The following ITPR1 variants were observed in gnomAD, a reference collection of about 807,000 sequenced individuals.
ITPR1 encodes inositol 1,4,5-trisphosphate-gated calcium channel ITPR1.
Under a neutral mutation model 318.4 loss-of-function variants are expected in ITPR1, and 96 were observed. The observed-to-expected ratio is 0.30, with a 90% CI of 0.26 to 0.36. The LOEUF is 0.36. Among genes scored for constraint, ITPR1 ranks in the 10% least tolerant of loss-of-function variants. The pLI is 1.00. For synonymous variants in ITPR1, 1,312 were observed against 1,289.9 expected, an observed-to-expected ratio of 1.02 and a Z score of -0.37; for missense variants, 2,440 against 3,460.2, an observed-to-expected ratio of 0.71 and a Z score of 7.40.
intron 54 of ITPR1, among the ~76,000 whole-genome samples, chr3:4,805,653 T>A (rs1003234021): frequency 1.2e-4 from 19 of 152,218 alleles, no homozygotes; most frequent in African/African-American, 4.6e-4. Context: ...AACTGATCAC[T>A]GCTCATTAAA....
chr3:4,545,452 G>A (rs557340459), intron 4 of ITPR1, among the ~76,000 whole-genome samples: 188 of 151,968 alleles, frequency 1.2e-3, no homozygotes, highest in Admixed American at 4.8e-3. Flanking sequence ...GTGAGACTCC[G>A]TCTCTACAGA....
chr3:4,789,144 G>C (rs144780662), intron 52 of ITPR1, among the ~76,000 whole-genome samples: 2 of 152,222 alleles, frequency 1.3e-5, no homozygotes, highest in East Asian at 3.9e-4. Context: ...ACTCTTGCTC[G>C]TCTCTAAGGG....
At chr3:4,547,988 A>G (rs2085192250) in intron 4 of ITPR1, among the ~76,000 whole-genome samples, 1 of 152,218 alleles carries the variant, frequency 6.6e-6, no homozygotes. Flanking sequence ...GCCTGTGAGT[A>G]AGCCATTCTA....
At chr3:4,536,165 C>T (rs917315608) in intron 4 of ITPR1, among the ~76,000 whole-genome samples, 5 of 152,142 alleles carry the variant, frequency 3.3e-5, no homozygotes, top group Non-Finnish European at 7.4e-5. Flanking sequence ...AACTGGAGTT[C>T]AGTCGTTTGC....
At chr3:4,753,583 G>A (rs1042132131) in intron 44 of ITPR1, among the ~76,000 whole-genome samples, 1 of 152,142 alleles carries the variant, frequency 6.6e-6, no homozygotes. Context: ...ACCAGACTCG[G>A]CTGTACCCGA....
At chr3:4,661,118 G>C (rs754149031) in intron 14 of ITPR1, 31 bp downstream of exon 14, 1 of 1,302,316 alleles carries the variant, frequency 7.7e-7, no homozygotes, top group Non-Finnish European at 1.1e-6. Context: ...GTCTCCTTTT[G>C]GTCTCGTGTT....
chr3:4,655,328 T>C (rs1476804327), intron 12 of ITPR1, among the ~76,000 whole-genome samples: 3 of 152,122 alleles, frequency 2.0e-5, no homozygotes, highest in Non-Finnish European at 2.9e-5. Context: ...AAGTGAACTT[T>C]GTGCTCTGGC....
In ITPR1 at chr3:4,836,469, C is replaced by T. The variant is rs1007920910; in HGVS notation, c.8029-305C>T. ...CCAAACTCATCAGCCATGTAATTTG[C>T]AAAGATCAGAGCAGCAGTGGCAGTA... On this transcript the variant is annotated intron_variant, in intron 60 of 61. Coordinates refer to ENST00000649015, the MANE Select transcript of ITPR1 (RefSeq NM_001378452.1). Among the ~76,000 whole-genome samples, 74 of 152,244 alleles carry T rather than the reference C, an allele frequency of 4.9e-4. 1 individual carries two copies. The highest frequency in any genetic ancestry group is 1.7e-3 in the African/African-American group (71 of 41,532).
intron 4 of ITPR1, among the ~76,000 whole-genome samples, chr3:4,527,507 C>A (rs1436030259): frequency 6.6e-6 from 1 of 152,158 alleles, no homozygotes; most frequent in African/African-American, 2.4e-5. Context: ...TTGCCCCAAC[C>A]AGCTGTGGGA....
chr3:4,614,279 A>G (rs1016802371), intron 4 of ITPR1, among the ~76,000 whole-genome samples: 1 of 152,172 alleles, frequency 6.6e-6, no homozygotes. Flanking sequence ...AAACAAAAAC[A>G]AATAACGATT....
chr3:4,625,705 C>T (rs1414093815), intron 4 of ITPR1, among the ~76,000 whole-genome samples: 2 of 152,018 alleles, frequency 1.3e-5, no homozygotes, highest in African/African-American at 2.4e-5. Flanking sequence ...TACAGGCGCC[C>T]GCCACCACGC....
At chr3:4,837,693 G>A (rs1254867357) in intron 61 of ITPR1, among the ~76,000 whole-genome samples, 2 of 151,968 alleles carry the variant, frequency 1.3e-5, no homozygotes, top group African/African-American at 2.4e-5. Flanking sequence ...AAAACCGTGC[G>A]TACTCTGTTT....
At chr3:4,837,156 G>T (rs1471545758) in intron 61 of ITPR1, among the ~76,000 whole-genome samples, 1 of 151,970 alleles carries the variant, frequency 6.6e-6, no homozygotes, top group Non-Finnish European at 1.5e-5. Context: ...TTTCAGTGCT[G>T]CTCAGGACAT....
intron 40 of ITPR1, among the ~76,000 whole-genome samples, chr3:4,721,510 G>A (rs1211588553): frequency 6.6e-6 from 1 of 151,666 alleles, no homozygotes; most frequent in African/African-American, 2.4e-5. Flanking sequence ...GGTTTTCAGA[G>A]GCTGATGCAG....
intron 10 of ITPR1, among the ~76,000 whole-genome samples, 171 bp from the exon 11 acceptor site, chr3:4,651,952 T>C (rs2093607294): frequency 6.6e-6 from 1 of 152,258 alleles, no homozygotes; most frequent in Non-Finnish European, 1.5e-5. Context: ...CACTGCTTAC[T>C]TTTCAGTTTG....
intron 2 of ITPR1, among the ~76,000 whole-genome samples, chr3:4,512,863 T>TA (rs2081936482): frequency 6.6e-6 from 1 of 152,016 alleles, no homozygotes; most frequent in Admixed American, 6.6e-5. Context: ...ATAATAATAA[T>TA]AAGAGCTTAG....
chr3:4,592,429 T>C (rs1448188218), intron 4 of ITPR1, among the ~76,000 whole-genome samples: 1 of 152,210 alleles, frequency 6.6e-6, no homozygotes, highest in Non-Finnish European at 1.5e-5. Context: ...TTTTTCTCTT[T>C]AGGCAGAGTG....
In ITPR1 at chr3:4,728,282, GA is replaced by G. The variant is rs145458547; in HGVS notation, c.5220+1111del. On this transcript the variant is annotated intron_variant, in intron 42 of 61. Coordinates refer to ENST00000649015, the MANE Select transcript of ITPR1 (RefSeq NM_001378452.1). Reference sequence around the variant, plus strand: ...TGATTTTCATGTTGCCCATTTTTGGGAAGATAACCAGATGTCCTGGTGACAC... The same window carrying G: ...TGATTTTCATGTTGCCCATTTTTGGGAGATAACCAGATGTCCTGGTGACAC... Among the ~76,000 whole-genome samples, 473 of 152,280 alleles carry G rather than the reference GA, an allele frequency of 3.1e-3. 1 individual carries two copies. Among genetic ancestry groups the G allele is most frequent in the African/African-American group, 0.011 (442 of 41,544 alleles).
chr3:4,805,987 G>T, intron 54 of ITPR1, 116 bp from the exon 55 acceptor site: 1 of 856,978 alleles, frequency 1.2e-6, no homozygotes. Context: ...GGGTGGAAAA[G>T]GAAGCGTTTG....
Sources: allele counts gnomAD v4.1 joint callset (sites outside exome capture counted in the v4.1 genomes callset), GRCh38; gene constraint gnomAD v4.1.1; transcripts MANE v1.5; gene names NCBI Gene and HGNC (gene_info 2026-07-23, HGNC 2026-07-21).